Variants in USP28 observed in about 807,000 individuals in gnomAD.
USP28 encodes the protein ubiquitin carboxyl-terminal hydrolase 28.
USP28 carries 113 observed loss-of-function variants against 145.0 expected under a neutral mutation model. The observed-to-expected ratio is 0.78, with a 90% confidence interval of 0.67 to 0.91. The LOEUF (loss-of-function observed/expected upper bound fraction) is 0.91. USP28 is among the 40% of genes least tolerant of loss of function. The pLI is 0.00. For missense variants in USP28, 1,201 were observed against 1,289.6 expected (o/e 0.93, Z 1.05); for synonymous variants, 447 against 450.9 (o/e 0.99, Z 0.11).
At chr11:113,840,802 A>G (rs1433765856) in intron 4 of USP28, 45 bp from the exon 5 acceptor site, 1 of 1,582,160 alleles carries the variant, frequency 6.3e-7, no homozygotes, top group Admixed American at 1.8e-5. Flanking sequence ...AAATAGTTAA[A>G]GAATAATATA....
At chr11:113,831,033 T>C in intron 8 of USP28, 90 bp from the exon 9 acceptor site, 1 of 1,342,344 alleles carries the variant, frequency 7.4e-7, no homozygotes, top group African/African-American at 1.5e-5. Context: ...GCAAAAATAG[T>C]GCATTTTCAT....
intron 3 of USP28, among the ~76,000 whole-genome samples, chr11:113,843,100 C>T (rs775942674): frequency 1.3e-5 from 2 of 152,140 alleles, no homozygotes; most frequent in African/African-American, 2.4e-5. Context: ...GGCATGGTTG[C>T]ACGTGCCTGT....
At position 113,872,481 on chromosome 11, in the gene USP28, C is replaced by T. The variant is rs373675464; in HGVS notation, c.57+2964G>A. Among the ~76,000 whole-genome samples, 20 of 146,102 alleles carry T rather than the reference C, an allele frequency of 1.4e-4. No homozygotes were observed. The East Asian group carries it at 3.1e-3, about 23-fold the overall frequency. The stretch of plus-strand genomic sequence containing the variant: ...CAGCCTGGGCAACAGAGCGAGACTC[C>T]GTCTCAAAAAAAAAAAAAAATACTG... On this transcript the variant is annotated intron_variant, in intron 1 of 24. Coordinates refer to ENST00000003302, the Ensembl canonical transcript of USP28.
chr11:113,848,006 T>C (rs1051369539), intron 3 of USP28, among the ~76,000 whole-genome samples: 4 of 151,944 alleles, frequency 2.6e-5, no homozygotes, highest in African/African-American at 9.7e-5. Flanking sequence ...AACAGGTTCA[T>C]TAACAGGAAA....
chr11:113,863,660 A>T (rs1162090439), intron 1 of USP28, among the ~76,000 whole-genome samples: 1 of 111,848 alleles, frequency 8.9e-6, no homozygotes, highest in Admixed American at 9.7e-5. Flanking sequence ...AAAAAAAAAA[A>T]TTAGGCCGGG....
At chr11:113,840,757 C>T (rs1945104011) in exon 5 of USP28, 1 of 1,613,854 alleles carries the variant, frequency 6.2e-7, no homozygotes, top group African/African-American at 1.3e-5. Flanking sequence ...CTTCATGCAT[C>T]CTATATTGTG....
intron 5 of USP28, among the ~76,000 whole-genome samples, chr11:113,838,164 C>T (rs774489793): frequency 1.2e-4 from 19 of 152,200 alleles, no homozygotes; most frequent in Non-Finnish European, 2.5e-4. Context: ...GCTATCTTCT[C>T]CATCTGCTGG....
intron 18 of USP28, 78 bp from the exon 19 acceptor site, chr11:113,808,214 A>G: frequency 1.3e-6 from 2 of 1,562,332 alleles, no homozygotes; most frequent in Non-Finnish European, 1.7e-6. Context: ...CAGCAGAGAC[A>G]CAGAATAATA....
chr11:113,834,220 A>G (rs940859904), intron 6 of USP28, 29 bp downstream of exon 6: 1 of 1,568,138 alleles, frequency 6.4e-7, no homozygotes, highest in Non-Finnish European at 8.7e-7. Context: ...ACTAAACAAC[A>G]GTGAAGAAAT....
At chr11:113,813,655 T>C (rs1319605541) in intron 15 of USP28, 1 of 485,922 alleles carries the variant, frequency 2.1e-6, no homozygotes, top group South Asian at 2.8e-5. Flanking sequence ...ATGAAAAAAT[T>C]CCATGTGGCA....
Position 113,808,991 on chromosome 11 carries a change from G to T in USP28, c.2164+72C>A, listed in dbSNP as rs1040016807. On this transcript the variant is annotated intron_variant, in intron 17 of 24. Coordinates refer to ENST00000003302, the Ensembl canonical transcript of USP28. ...TGTGGCATCACCTAGCCAGCTGAAGGGTATAGGGCTGGCTAGGGGAGTACA... is the reference window on the plus strand; with the variant it reads ...TGTGGCATCACCTAGCCAGCTGAAGTGTATAGGGCTGGCTAGGGGAGTACA... The T allele has an allele frequency of 2.2e-5, 31 of 1,434,402 alleles. No individual in the cohort carries two copies. The African/African-American group carries it at 3.7e-4, about 17-fold the overall frequency. The allele number at this position is 1,434,402 out of a possible 1,614,324, so 88.9% of individuals were successfully genotyped here.
Position 113,875,164 on chromosome 11 carries a change from C to T in USP28, c.57+281G>A, listed in dbSNP as rs116983665. On this transcript the variant is annotated intron_variant, in intron 1 of 24. Transcript: ENST00000003302. ...GGGCTCACCTTACTGATCCCTGCGG[C>T]GGAGAACCCCACGTCCAGCCCTTTA... Among the ~76,000 whole-genome samples, 689 of 152,322 alleles carry T rather than the reference C, an allele frequency of 4.5e-3. 26 individuals carry two copies. The East Asian group carries it at 0.078, about 17-fold the overall frequency.
Position 113,815,163 on chromosome 11 carries a change from A to G in USP28, c.1672+11T>C. 2 of 1,609,396 alleles carry G rather than the reference A, an allele frequency of 1.2e-6. No homozygotes were observed. The highest frequency in any genetic ancestry group is 1.7e-6 in the Non-Finnish European group (2 of 1,178,596). ...AGCAAAGAGTAACTGACAAATTTTAAAAGAGCCAACCTTGTATATCTTGTT... is the reference window on the plus strand; with the variant it reads ...AGCAAAGAGTAACTGACAAATTTTAGAAGAGCCAACCTTGTATATCTTGTT... On this transcript the variant is annotated intron_variant, in intron 14 of 24. Coordinates refer to ENST00000003302, the Ensembl canonical transcript of USP28.
chr11:113,805,174 A>G, intron 19 of USP28, 128 bp from the exon 21 acceptor site: 2 of 821,362 alleles, frequency 2.4e-6, no homozygotes, highest in East Asian at 2.8e-5. Flanking sequence ...ATCGAATTAC[A>G]AAAACAACTA....
chr11:113,816,154 T>C (rs954400620), intron 13 of USP28, among the ~76,000 whole-genome samples: 2 of 152,184 alleles, frequency 1.3e-5, no homozygotes, highest in East Asian at 1.9e-4. Flanking sequence ...AAGCTTCTAA[T>C]TGTAGTTAGG....
At chr11:113,823,175 C>A (rs142898885) in intron 12 of USP28, among the ~76,000 whole-genome samples, 3 of 152,120 alleles carry the variant, frequency 2.0e-5, no homozygotes, top group African/African-American at 7.2e-5. Context: ...AAATATTAGC[C>A]CTTTTAATCA....
chr11:113,847,985 A>G (rs1267256850), intron 3 of USP28, among the ~76,000 whole-genome samples: 2 of 152,246 alleles, frequency 1.3e-5, no homozygotes, highest in East Asian at 3.8e-4. Context: ...CACAGATGCT[A>G]ATAAAAAAAC....
intron 5 of USP28, 86 bp downstream of exon 5, chr11:113,840,512 C>T: frequency 6.7e-7 from 1 of 1,488,350 alleles, no homozygotes. Context: ...TATTTTAATC[C>T]TTTGAAAGCT....
chr11:113,833,365 G>GC, intron 7 of USP28, 55 bp downstream of exon 7: 2 of 1,593,328 alleles, frequency 1.3e-6, no homozygotes, highest in Non-Finnish European at 1.7e-6. Context: ...AAGCAGTACC[G>GC]CATTAACACT....
Sources: gnomAD v4.1 joint callset for allele counts (sites outside exome capture counted in the v4.1 genomes callset) on GRCh38, gnomAD v4.1.1 for gene constraint, MANE v1.5 for transcripts, NCBI Gene and HGNC (gene_info 2026-07-23, HGNC 2026-07-21) for gene names.